GRIK4: variants seen among roughly 807,000 people sequenced by gnomAD.
GRIK4 encodes glutamate ionotropic receptor kainate type subunit 4.
GRIK4 carries 40 observed loss-of-function variants against 104.9 expected under a neutral mutation model. The observed-to-expected ratio is 0.38, with a 90% CI of 0.30 to 0.50. The LOEUF is 0.50. Ranked by LOEUF, GRIK4 falls within the 20% of genes least tolerant of loss-of-function variation. GRIK4 has a pLI of 0.93. For synonymous variants in GRIK4, 485 were observed against 524.9 expected (o/e 0.92, Z 1.04); for missense variants, 1,047 against 1,308.1 (o/e 0.80, Z 3.08).
chr11:120,857,821 G>T (rs1307260422), intron 8 of GRIK4, among the ~76,000 whole-genome samples: 11 of 152,214 alleles, frequency 7.2e-5, no homozygotes, highest in African/African-American at 2.7e-4. Flanking sequence ...CTTCAAAAAT[G>T]AGGCAGACAT....
intron 3 of GRIK4, among the ~76,000 whole-genome samples, chr11:120,745,501 C>T (rs1047375227): frequency 9.2e-5 from 14 of 152,154 alleles, no homozygotes; most frequent in Admixed American, 3.3e-4. Context: ...AACCTTTCCC[C>T]TTTAGGTGGA....
At chr11:120,511,911 C>G (rs1947661476) in intron 1 of GRIK4, 24 bp downstream of exon 1, 1 of 157,452 alleles carries the variant, frequency 6.4e-6, no homozygotes, top group African/African-American at 2.5e-5. Context: ...CCCCCCGCGG[C>G]GCCCCCGGCC....
chr11:120,844,747 C>A (rs1357737146), intron 8 of GRIK4, among the ~76,000 whole-genome samples: 1 of 152,208 alleles, frequency 6.6e-6, no homozygotes, highest in African/African-American at 2.4e-5. Flanking sequence ...CCATTCTGAG[C>A]TGGACAGATT....
At chr11:120,935,878 T>C (rs1481604573) in intron 13 of GRIK4, among the ~76,000 whole-genome samples, 1 of 152,172 alleles carries the variant, frequency 6.6e-6, no homozygotes, top group Non-Finnish European at 1.5e-5. Context: ...AGTAGTGTGT[T>C]AACTATACAA....
At chr11:120,704,873 A>G (rs1332451624) in intron 3 of GRIK4, among the ~76,000 whole-genome samples, 2 of 152,158 alleles carry the variant, frequency 1.3e-5, no homozygotes, top group South Asian at 2.1e-4. Flanking sequence ...GAGCAGGTCT[A>G]TGTTCCAAAA....
chr11:120,611,211 C>T (rs1949034108), intron 1 of GRIK4, among the ~76,000 whole-genome samples: 1 of 152,100 alleles, frequency 6.6e-6, no homozygotes, highest in South Asian at 2.1e-4. Context: ...CCCAGTAGCT[C>T]CAAAGTGTGG....
chr11:120,810,838 A>G (rs1952814514), intron 4 of GRIK4, among the ~76,000 whole-genome samples: 1 of 152,224 alleles, frequency 6.6e-6, no homozygotes, highest in Non-Finnish European at 1.5e-5. Flanking sequence ...TATCCTTAGC[A>G]CTGTAGTGTC....
At chr11:120,806,027 T>C (rs1408530798) in intron 4 of GRIK4, among the ~76,000 whole-genome samples, 1 of 152,216 alleles carries the variant, frequency 6.6e-6, no homozygotes, top group East Asian at 1.9e-4. Context: ...GTGCCTCTGT[T>C]TCCTCGTTTG....
intron 8 of GRIK4, among the ~76,000 whole-genome samples, chr11:120,840,142 T>G (rs1016488534): frequency 1.3e-5 from 2 of 151,956 alleles, no homozygotes; most frequent in Non-Finnish European, 2.9e-5. Context: ...CTGGGCTCAG[T>G]GACAGGGTGA....
intron 1 of GRIK4, among the ~76,000 whole-genome samples, chr11:120,634,661 A>T (rs922376768): frequency 1.3e-5 from 2 of 152,154 alleles, no homozygotes; most frequent in Non-Finnish European, 2.9e-5. Context: ...TCTGTCTGGA[A>T]ACCCCAGTGA....
intron 1 of GRIK4, chr11:120,620,027 A>G: frequency 1.7e-6 from 1 of 595,512 alleles, no homozygotes; most frequent in Non-Finnish European, 3.1e-6. Context: ...AGCGTAGTGA[A>G]CCTGTGTGTA....
intron 1 of GRIK4, among the ~76,000 whole-genome samples, chr11:120,566,994 T>TTTTTTTTTTGGG (rs1948334928): frequency 7.1e-6 from 1 of 141,550 alleles, no homozygotes; most frequent in Non-Finnish European, 1.5e-5. Context: ...TTTTTTTTTT[T>TTTTTTTTTTGGG]GAGACAAGGT....
intron 4 of GRIK4, among the ~76,000 whole-genome samples, chr11:120,810,189 G>C (rs1421866715): frequency 6.6e-6 from 1 of 152,172 alleles, no homozygotes; most frequent in East Asian, 1.9e-4. Flanking sequence ...ATTGTAAATA[G>C]CTTTACATCT....
Position 120,940,809 on chromosome 11 carries a change from G to A in GRIK4, c.1590+349G>A, listed in dbSNP as rs1465210149. On this transcript the variant is annotated intron_variant, in intron 14 of 20. Transcript: ENST00000527524. This position sits in a 1 kb window ranked among gnomAD's most constrained non-coding sequence, Gnocchi z 4.3. ...AGTCACCCTAGCATTTCTCAAGCAC[G>A]TTGCCAACTTCCAAGTCTGTGTTCA... Among the ~76,000 whole-genome samples, 1 of 152,190 alleles carries A rather than the reference G, an allele frequency of 6.6e-6. No homozygotes were observed. Among genetic ancestry groups the A allele is most frequent in the African/African-American group, 2.4e-5 (1 of 41,448 alleles).
intron 8 of GRIK4, among the ~76,000 whole-genome samples, chr11:120,841,318 G>A (rs894982471): frequency 6.6e-6 from 1 of 152,044 alleles, no homozygotes; most frequent in Non-Finnish European, 1.5e-5. Flanking sequence ...ATTTCTCTCT[G>A]TATGGATATG....
intron 13 of GRIK4, among the ~76,000 whole-genome samples, chr11:120,915,854 C>A (rs1008711343): frequency 3.3e-5 from 5 of 152,218 alleles, no homozygotes. Context: ...CTCTGTTCCA[C>A]AGATGAGGGC....
chr11:120,647,365 T>A (rs1949557912), intron 1 of GRIK4, among the ~76,000 whole-genome samples: 1 of 152,180 alleles, frequency 6.6e-6, no homozygotes, highest in Non-Finnish European at 1.5e-5. Flanking sequence ...GGGCGCCCCT[T>A]GGTCCCATGG....
At chr11:120,758,328 A>G (rs1230120865) in intron 3 of GRIK4, among the ~76,000 whole-genome samples, 1 of 152,168 alleles carries the variant, frequency 6.6e-6, no homozygotes, top group African/African-American at 2.4e-5. Context: ...CTCTGCCTCT[A>G]CGTTTGTCTT....
At chr11:120,794,497 A>C (rs1463191452) in intron 3 of GRIK4, among the ~76,000 whole-genome samples, 3 of 152,096 alleles carry the variant, frequency 2.0e-5, no homozygotes, top group Admixed American at 1.3e-4. Context: ...GAGGTAAGAA[A>C]GTTAAAACGA....
Sources: gnomAD v4.1 joint callset for allele counts (sites outside exome capture counted in the v4.1 genomes callset) on GRCh38, gnomAD v4.1.1 for gene constraint, Gnocchi (gnomAD v3.1) non-coding constraint, MANE v1.5 for transcripts, NCBI Gene and HGNC (gene_info 2026-07-23, HGNC 2026-07-21) for gene names.